APLF: variants seen among roughly 807,000 people sequenced by gnomAD.
APLF encodes aprataxin and PNK-like factor.
In APLF, 61 loss-of-function variants were observed where a neutral mutation model predicts 55.6. The observed-to-expected ratio is 1.10, with a 90% confidence interval of 0.89 to 1.36. APLF has a LOEUF of 1.36. Among genes scored for constraint, APLF ranks in the 40% most tolerant of loss-of-function variants. APLF has a pLI of 0.00. For missense variants in APLF, 611 were observed against 602.5 expected (o/e 1.01, Z -0.15); for synonymous variants, 207 against 214.8 (o/e 0.96, Z 0.32).
chr2:68,516,358 G>C (rs1221081364), intron 5 of APLF, among the ~76,000 whole-genome samples: 2 of 151,500 alleles, frequency 1.3e-5, no homozygotes, highest in African/African-American at 2.4e-5. Context: ...TCCTTTATAT[G>C]TAGGGGAATT....
intron 5 of APLF, among the ~76,000 whole-genome samples, chr2:68,523,635 T>A (rs1669953383): frequency 6.6e-6 from 1 of 151,950 alleles, no homozygotes; most frequent in Non-Finnish European, 1.5e-5. Context: ...TATATATATA[T>A]AATTGAGCTA....
At chr2:68,518,431 A>C (rs1161196397) in intron 5 of APLF, among the ~76,000 whole-genome samples, 2 of 112,846 alleles carry the variant, frequency 1.8e-5, no homozygotes, top group Admixed American at 1.1e-4. Flanking sequence ...ATAATTTATT[A>C]TATAATATAT....
intron 1 of APLF, among the ~76,000 whole-genome samples, chr2:68,487,906 A>G (rs1676234290): frequency 6.6e-6 from 1 of 152,196 alleles, no homozygotes; most frequent in Admixed American, 6.5e-5. Context: ...TATTCTATAA[A>G]GACACATAGC....
Position 68,578,576 on chromosome 2 carries a change from A to C in APLF, c.*554A>C, listed in dbSNP as rs1187161235. On this transcript the variant is annotated 3_prime_UTR_variant, in exon 10 of 10. Transcript: ENST00000303795. Reference sequence around the variant, plus strand: ...CAAAACTTGGGAAGATTGGTTCCAAATGGGTACTGAAAATAGATTCAACTA... The same window carrying C: ...CAAAACTTGGGAAGATTGGTTCCAACTGGGTACTGAAAATAGATTCAACTA... 34 of 985,590 alleles carry C rather than the reference A, an allele frequency of 3.4e-5. No homozygotes were observed. In the Admixed American group the frequency reaches 2.1e-3, roughly 61 times the overall value. The allele number at this position is 985,590 out of a possible 1,614,324, so 61.1% of individuals were successfully genotyped here.
At chr2:68,507,417 T>C (rs1054801018) in intron 3 of APLF, among the ~76,000 whole-genome samples, 10 of 151,942 alleles carry the variant, frequency 6.6e-5, no homozygotes, top group Non-Finnish European at 1.5e-4. Flanking sequence ...TTCTGTATAA[T>C]TAGTCCTACT....
chr2:68,476,514 A>G (rs1448685163), intron 1 of APLF, among the ~76,000 whole-genome samples: 4 of 151,766 alleles, frequency 2.6e-5, no homozygotes, highest in African/African-American at 7.3e-5. Context: ...TTTCACCAAA[A>G]TCAAGTAAGC....
Position 68,513,155 on chromosome 2 carries a change from G to C in APLF, c.417G>C (p.Glu139Asp). 6.2e-7 allele frequency: 1 copy of C among 1,611,474 alleles called. No homozygotes were observed. Among genetic ancestry groups the C allele is most frequent in the Non-Finnish European group, 8.5e-7 (1 of 1,178,476 alleles). The change falls in exon 4 of 10, where the codon GAG becomes GAC. Residue 139 changes from glutamate to aspartate, a missense_variant. Transcript: ENST00000303795. ...CCCCCGTGATTAATTTACCTCATGA[G>C]ACTACTGGTGCCTCACAACTGGAAG... ...PKSPVINLPH[E>D]TTGASQLEGS...
intron 2 of APLF, among the ~76,000 whole-genome samples, chr2:68,491,373 G>A (rs1676354246): frequency 6.6e-6 from 1 of 152,116 alleles, no homozygotes; most frequent in African/African-American, 2.4e-5. Context: ...TATCCCTAGT[G>A]TTTAGCATAG....
At position 68,577,821 on chromosome 2, in the gene APLF, G is replaced by A; in HGVS notation, c.1335G>A (p.Val445=). 2 of 1,612,926 alleles carry A rather than the reference G, an allele frequency of 1.2e-6. No individual in the cohort carries two copies. The highest frequency in any genetic ancestry group is 1.7e-6 in the Non-Finnish European group (2 of 1,179,308). The stretch of plus-strand genomic sequence containing the variant: ...GTGTACCAATCTTCTGTTTTGCAGT[G>A]AGAAATGTTTTAGATGAAGATAATG... ...KIEYRHNTLP[V]RNVLDEDNDN... is the part of the protein sequence containing the mutation. The change falls in exon 10 of 10, where the codon GTG becomes GTA. Residue 445 remains valine (V), a splice_region_variant and synonymous_variant. Coordinates refer to ENST00000303795, the MANE Select transcript of APLF (RefSeq NM_173545.3).
intron 2 of APLF, among the ~76,000 whole-genome samples, chr2:68,497,402 T>C (rs1190348334): frequency 6.6e-6 from 1 of 151,644 alleles, no homozygotes; most frequent in Non-Finnish European, 1.5e-5. Flanking sequence ...TGATAGTGAG[T>C]TCTCACGACA....
chr2:68,578,704 C>T lies in APLF; in HGVS notation c.*682C>T. The T allele has an allele frequency of 1.0e-6, 1 of 985,230 alleles. No homozygotes were observed. The highest frequency in any genetic ancestry group is 4.7e-5 in the South Asian group (1 of 21,284). 61.0% of individuals were successfully genotyped at this position (985,230 alleles called of 1,614,324 possible). ...TTTAAAAGTAAAAAAACTCAAAAAA[C>T]TTGACCTTTTTTTTCAAACTAAAGT... On this transcript the variant is annotated 3_prime_UTR_variant, in exon 10 of 10. Coordinates refer to ENST00000303795, the MANE Select transcript of APLF (RefSeq NM_173545.3).
At chr2:68,522,841 T>A (rs915254036) in intron 5 of APLF, among the ~76,000 whole-genome samples, 1 of 151,950 alleles carries the variant, frequency 6.6e-6, no homozygotes, top group African/African-American at 2.4e-5. Context: ...TTATGCCATA[T>A]TCAGAAACAA....
intron 8 of APLF, chr2:68,563,119 A>G: frequency 4.1e-6 from 4 of 985,250 alleles, no homozygotes; most frequent in Non-Finnish European, 4.8e-6. Context: ...GTCCAGTTGA[A>G]AAACACCAAC....
chr2:68,564,215 G>A (rs946809377), intron 8 of APLF, among the ~76,000 whole-genome samples: 8 of 152,026 alleles, frequency 5.3e-5, no homozygotes, highest in African/African-American at 1.7e-4. Context: ...CCATAGCTTT[G>A]TTCATTTGCA....
At chr2:68,536,826 A>G (rs1670403947) in intron 6 of APLF, among the ~76,000 whole-genome samples, 1 of 152,142 alleles carries the variant, frequency 6.6e-6, no homozygotes, top group African/African-American at 2.4e-5. Context: ...TGGTAAAATC[A>G]TGATTACATT....
Position 68,577,813 on chromosome 2 carries a change from T to G in APLF, c.1334-7T>G. 1.2e-6 allele frequency: 2 copies of G among 1,612,772 alleles called. No homozygotes were observed. The highest frequency in any genetic ancestry group is 3.3e-5 in the Admixed American group (2 of 59,908). ...GATGTGTTGTGTACCAATCTTCTGTTTTGCAGTGAGAAATGTTTTAGATGA... is the reference window on the plus strand; with the variant it reads ...GATGTGTTGTGTACCAATCTTCTGTGTTGCAGTGAGAAATGTTTTAGATGA... On this transcript the variant is annotated splice_region_variant and splice_polypyrimidine_tract_variant and intron_variant, in intron 9 of 9. Transcript: ENST00000303795.
At chr2:68,472,118 A>C (rs1212816633) in intron 1 of APLF, among the ~76,000 whole-genome samples, 1 of 152,204 alleles carries the variant, frequency 6.6e-6, no homozygotes, top group Admixed American at 6.5e-5. Flanking sequence ...GTTAAGATAA[A>C]GGATTGTGGA....
intron 8 of APLF, among the ~76,000 whole-genome samples, chr2:68,551,199 AACTCAGT>A (rs1479941009): frequency 2.6e-5 from 4 of 151,906 alleles, no homozygotes; most frequent in Admixed American, 2.0e-4. Context: ...TTTCTCTTGA[AACTCAGT>A]TGTCTATATT....
intron 1 of APLF, among the ~76,000 whole-genome samples, chr2:68,480,459 A>G (rs1675919735): frequency 6.6e-6 from 1 of 151,760 alleles, no homozygotes; most frequent in Non-Finnish European, 1.5e-5. Flanking sequence ...GCCCACCACC[A>G]TGTGCAGCTA....
Sources: allele counts gnomAD v4.1 joint callset (sites outside exome capture counted in the v4.1 genomes callset), GRCh38; gene constraint gnomAD v4.1.1; transcripts MANE v1.5; gene names NCBI Gene and HGNC (gene_info 2026-07-23, HGNC 2026-07-21).